ADAMTS17: variants seen among roughly 807,000 people sequenced by gnomAD.
ADAMTS17 encodes A disintegrin and metalloproteinase with thrombospondin motifs 17.
A neutral mutation model predicts 141.5 loss-of-function variants in ADAMTS17; 113 were observed. That is an observed-to-expected ratio of 0.80 (90% CI 0.69 to 0.93). The LOEUF (loss-of-function observed/expected upper bound fraction) is 0.93, where lower values mean the gene tolerates loss of function less well. Among genes scored for constraint, ADAMTS17 ranks in the 40% least tolerant of loss-of-function variants. The probability of loss-of-function intolerance (pLI) is 0.00; values close to 1 mark genes in which losing one functional copy is unlikely to be tolerated. For synonymous variants in ADAMTS17, 768 were observed against 630.6 expected, an observed-to-expected ratio of 1.22 and a Z score of -3.27; for missense variants, 1,659 against 1,517.9, an observed-to-expected ratio of 1.09 and a Z score of -1.54.
At chr15:100,031,025 G>A (rs1004297586) in intron 18 of ADAMTS17, among the ~76,000 whole-genome samples, 2 of 152,202 alleles carry the variant, frequency 1.3e-5, no homozygotes, top group African/African-American at 4.8e-5. Context: ...CTGACTCGGG[G>A]TGAAGGAATT....
chr15:100,101,099 T>G (rs2036071799), intron 14 of ADAMTS17, among the ~76,000 whole-genome samples: 2 of 152,292 alleles, frequency 1.3e-5, no homozygotes, highest in South Asian at 2.1e-4. Flanking sequence ...CCCTCGTCTG[T>G]TGCTGGAATG....
rs1028849453 is a variant in ADAMTS17, at chr15:100,165,383, C to T, written c.1182-10063G>A. 5.3e-5 allele frequency among the ~76,000 whole-genome samples: 8 copies of T among 152,184 alleles called. No individual in the cohort carries two copies. The East Asian group carries it at 9.6e-4, about 18-fold the overall frequency. On this transcript the variant is annotated intron_variant, in intron 8 of 21. Transcript: ENST00000268070. ...CACATAGGACAGAGGATACCCACAGCGTGCCTCCCCCCAATGCCTCCTGGG... is the reference window on the plus strand; with the variant it reads ...CACATAGGACAGAGGATACCCACAGTGTGCCTCCCCCCAATGCCTCCTGGG...
intron 7 of ADAMTS17, among the ~76,000 whole-genome samples, chr15:100,200,928 C>T (rs1461608554): frequency 1.3e-5 from 2 of 152,350 alleles, no homozygotes; most frequent in South Asian, 2.1e-4. Context: ...GTCCCTCTGT[C>T]GAGCTGCACA....
At chr15:100,293,591 C>T (rs893036651) in intron 3 of ADAMTS17, among the ~76,000 whole-genome samples, 7 of 152,186 alleles carry the variant, frequency 4.6e-5, no homozygotes, top group African/African-American at 1.4e-4. Context: ...ATCCCCCAGC[C>T]ATCCCACCAC....
chr15:100,028,592 C>A (rs1461146930), intron 18 of ADAMTS17, among the ~76,000 whole-genome samples: 1 of 152,214 alleles, frequency 6.6e-6, no homozygotes, highest in Non-Finnish European at 1.5e-5. Context: ...CCATTTATTT[C>A]TCTTAGCTCG....
At chr15:100,170,479 TTC>T (rs2040118680) in intron 8 of ADAMTS17, among the ~76,000 whole-genome samples, 1 of 152,168 alleles carries the variant, frequency 6.6e-6, no homozygotes, top group African/African-American at 2.4e-5. Flanking sequence ...ACCTCAAAGT[TTC>T]TACCTTTGCA....
intron 7 of ADAMTS17, among the ~76,000 whole-genome samples, chr15:100,222,206 T>C (rs1252563176): frequency 6.6e-6 from 1 of 152,030 alleles, no homozygotes; most frequent in African/African-American, 2.4e-5. Context: ...GACACCAAAA[T>C]AGATCCCAGA....
At chr15:100,226,560 G>A (rs1049222501) in intron 7 of ADAMTS17, among the ~76,000 whole-genome samples, 18 of 152,232 alleles carry the variant, frequency 1.2e-4, no homozygotes, top group Admixed American at 1.0e-3. Context: ...ACTAGACACC[G>A]AGTGGAAATG....
Position 100,143,753 on chromosome 15 carries a change from G to C in ADAMTS17, c.1473+8859C>G, listed in dbSNP as rs1016405984. On this transcript the variant is annotated intron_variant, in intron 10 of 21. Coordinates refer to ENST00000268070, the MANE Select transcript of ADAMTS17 (RefSeq NM_139057.4). The stretch of plus-strand genomic sequence containing the variant: ...GTATTTTAATTTTTCTCAGTTCTCC[G>C]GTATGCAAATGTTTGAGAAACCAGC... 2.0e-5 allele frequency among the ~76,000 whole-genome samples: 3 copies of C among 152,250 alleles called. No homozygotes were observed. The East Asian group carries it at 5.8e-4, about 29-fold the overall frequency.
intron 18 of ADAMTS17, among the ~76,000 whole-genome samples, chr15:100,008,426 A>G (rs1427311433): frequency 6.6e-6 from 1 of 152,174 alleles, no homozygotes; most frequent in Non-Finnish European, 1.5e-5. Context: ...TGCCTCATGG[A>G]AGAGTCATCG....
intron 15 of ADAMTS17, among the ~76,000 whole-genome samples, chr15:100,063,025 G>T (rs547608827): frequency 1.3e-5 from 2 of 152,272 alleles, no homozygotes; most frequent in East Asian, 1.9e-4. Flanking sequence ...TCTGGGAATT[G>T]GGCCAAGGAT....
intron 8 of ADAMTS17, among the ~76,000 whole-genome samples, chr15:100,197,405 C>T (rs1349993711): frequency 2.0e-5 from 3 of 152,160 alleles, no homozygotes; most frequent in East Asian, 1.9e-4. Flanking sequence ...TTAGGTACTA[C>T]GGCATGCTGG....
At chr15:100,188,896 C>G (rs1319703285) in intron 8 of ADAMTS17, among the ~76,000 whole-genome samples, 2 of 152,212 alleles carry the variant, frequency 1.3e-5, no homozygotes, top group East Asian at 3.8e-4. Context: ...CCCGAAAACA[C>G]CCCCGCAGAA....
chr15:100,019,999 G>GAAA (rs67292654), intron 18 of ADAMTS17, among the ~76,000 whole-genome samples: 104,815 of 150,408 alleles, frequency 0.7, 36,899 homozygotes, highest in Non-Finnish European at 0.76. Flanking sequence ...CTAAGATTTG[G>GAAA]AAAAAAAAGA....
In ADAMTS17 at chr15:100,307,123, C is replaced by T. The variant is rs115305183; in HGVS notation, c.616+23766G>A. On this transcript the variant is annotated intron_variant, in intron 3 of 21. Coordinates refer to ENST00000268070, the MANE Select transcript of ADAMTS17 (RefSeq NM_139057.4). ...TCTAGAGTTTTGCCCCATCCTGCAA[C>T]AGAACACCTCTTTGCTTCTGAGGAC... Among the ~76,000 whole-genome samples, 636 of 152,316 alleles carry T rather than the reference C, an allele frequency of 4.2e-3. 3 individuals are homozygous for T. The highest frequency in any genetic ancestry group is 0.014 in the African/African-American group (590 of 41,564).
chr15:99,982,908 A>G (rs2060509757), intron 20 of ADAMTS17, among the ~76,000 whole-genome samples: 2 of 152,196 alleles, frequency 1.3e-5, no homozygotes, highest in South Asian at 4.1e-4. Flanking sequence ...CTTCCCAGGC[A>G]GGGAGGGGGT....
chr15:100,315,489 G>A (rs751599979), intron 3 of ADAMTS17, among the ~76,000 whole-genome samples: 1 of 152,130 alleles, frequency 6.6e-6, no homozygotes, highest in East Asian at 1.9e-4. Flanking sequence ...CATTAGTCAA[G>A]CAAATACATC....
intron 7 of ADAMTS17, among the ~76,000 whole-genome samples, chr15:100,208,084 G>C (rs148606434): frequency 1.3e-5 from 2 of 152,292 alleles, no homozygotes; most frequent in East Asian, 1.9e-4. Flanking sequence ...GGGCCAGAGA[G>C]CTCTGGAAGC....
At chr15:100,257,176 C>A (rs770417539) in intron 6 of ADAMTS17, 1 of 152,278 alleles carries the variant, frequency 6.6e-6, no homozygotes, top group East Asian at 1.9e-4. Context: ...CAGGCCCGTG[C>A]AGCCTCAGCT....
Sources: gnomAD v4.1 joint callset for allele counts (sites outside exome capture counted in the v4.1 genomes callset) on GRCh38, gnomAD v4.1.1 for gene constraint, MANE v1.5 for transcripts, NCBI Gene and HGNC (gene_info 2026-07-23, HGNC 2026-07-21) for gene names.